The following CRPPA variants were observed in gnomAD, a reference collection of about 807,000 sequenced individuals.
CRPPA encodes D-ribitol-5-phosphate cytidylyltransferase.
Under a neutral mutation model 52.0 loss-of-function variants are expected in CRPPA, and 43 were observed. That is an observed-to-expected ratio of 0.83 (90% CI 0.65 to 1.07). The LOEUF is 1.07. Ranked by LOEUF, CRPPA falls within the 50% of genes least tolerant of loss-of-function variation. The pLI is 0.00. For synonymous variants in CRPPA, 250 were observed against 203.5 expected (o/e 1.23, Z -1.94); for missense variants, 629 against 551.7 (o/e 1.14, Z -1.40).
intron 6 of CRPPA, among the ~76,000 whole-genome samples, chr7:16,274,757 A>G (rs191654349): frequency 4.9e-4 from 75 of 152,306 alleles, no homozygotes; most frequent in African/African-American, 1.7e-3. Context: ...GACGAATTAG[A>G]TACTTGAAAT....
At chr7:16,278,257 C>A (rs746560411) in intron 5 of CRPPA, 31 bp from the exon 6 acceptor site, 1 of 1,130,706 alleles carries the variant, frequency 8.8e-7, no homozygotes, top group South Asian at 1.4e-5. Context: ...TTTTAAGTTT[C>A]AAACAAAACA....
At chr7:16,305,775 G>A (rs1377271214) in intron 4 of CRPPA, among the ~76,000 whole-genome samples, 1 of 152,124 alleles carries the variant, frequency 6.6e-6, no homozygotes, top group Non-Finnish European at 1.5e-5. Flanking sequence ...CCAGCTACTC[G>A]GGAGACTGAG....
At chr7:16,216,275 C>A (rs755612723) in intron 8 of CRPPA, 78 bp from the exon 9 acceptor site, 1 of 895,994 alleles carries the variant, frequency 1.1e-6, no homozygotes, top group Non-Finnish European at 1.7e-6. Flanking sequence ...TAAAGAAGCT[C>A]AAAACCCATA....
chr7:16,209,728 T>C (rs919034028), intron 9 of CRPPA, among the ~76,000 whole-genome samples: 1 of 152,236 alleles, frequency 6.6e-6, no homozygotes, highest in African/African-American at 2.4e-5. Context: ...ATGAGATCTT[T>C]TAGGAATGTA....
At chr7:16,287,513 A>G (rs1468252703) in intron 5 of CRPPA, among the ~76,000 whole-genome samples, 2 of 152,202 alleles carry the variant, frequency 1.3e-5, no homozygotes, top group African/African-American at 4.8e-5. Context: ...AGCATGTTGG[A>G]ATCCTACCCA....
intron 9 of CRPPA, among the ~76,000 whole-genome samples, chr7:16,144,934 A>G (rs973837037): frequency 5.7e-4 from 87 of 152,298 alleles, no homozygotes; most frequent in African/African-American, 1.9e-3. Flanking sequence ...AGTGATACCT[A>G]TAGGCATTCC....
At chr7:16,336,005 T>C (rs946844718) in intron 3 of CRPPA, among the ~76,000 whole-genome samples, 10 of 152,144 alleles carry the variant, frequency 6.6e-5, no homozygotes, top group Non-Finnish European at 1.3e-4. Context: ...CAAGAATACT[T>C]TGCATGGCAA....
Position 16,258,482 on chromosome 7 carries a change from C to A in CRPPA, c.1027G>T (p.Val343Phe), listed in dbSNP as rs1222290444. The A allele has an allele frequency of 6.3e-7, 1 of 1,578,426 alleles. No homozygotes were observed. Among genetic ancestry groups the A allele is most frequent in the Non-Finnish European group, 8.6e-7 (1 of 1,158,994 alleles). The stretch of plus-strand genomic sequence containing the variant: ...GTTTCTTGAAAATCAGAGGTTGTAA[C>A]CTAAAAGACCAGAAAAATAAAAGGA... ...DQCYNFVCVN[V>F]TTSDFQETQK... is the part of the protein sequence containing the mutation. The change falls in exon 8 of 10, where the codon GTT (valine) becomes TTT (phenylalanine). Residue 343 changes from valine (V) to phenylalanine (F), a missense_variant and splice_region_variant. Val to Phe is a conservative substitution (Grantham distance 50). Coordinates refer to ENST00000407010, the MANE Select transcript of CRPPA (RefSeq NM_001101426.4).
At chr7:16,194,019 C>T (rs1038536790) in intron 9 of CRPPA, among the ~76,000 whole-genome samples, 1 of 152,032 alleles carries the variant, frequency 6.6e-6, no homozygotes, top group Non-Finnish European at 1.5e-5. Flanking sequence ...GAAAGTTTAC[C>T]AGGACCAGAC....
chr7:16,393,403 A>G (rs1259521780), intron 2 of CRPPA, among the ~76,000 whole-genome samples: 1 of 152,140 alleles, frequency 6.6e-6, no homozygotes, highest in Admixed American at 6.6e-5. Flanking sequence ...ACAGACCAAC[A>G]GCGTGGAAGA....
At position 16,299,747 on chromosome 7, in the gene CRPPA, A is replaced by G. The variant is rs920123365; in HGVS notation, c.835+1674T>C. 5.9e-5 allele frequency among the ~76,000 whole-genome samples: 9 copies of G among 152,380 alleles called. No individual in the cohort carries two copies. The East Asian group carries it at 1.3e-3, about 23-fold the overall frequency. ...TTTTAAATACTTAAAAAATAAAAGT[A>G]GCAGACCAGAACCTATTACATAGAC... On this transcript the variant is annotated intron_variant, in intron 5 of 9. Transcript: ENST00000407010.
Position 16,421,301 on chromosome 7 carries a change from T to TGCCCGGCG in CRPPA, c.14_21dup (p.Ser8ArgfsTer14). On this transcript the variant is annotated frameshift_variant, in exon 1 of 10. Transcript: ENST00000407010. LOFTEE classifies it high-confidence loss of function. ...GGACCCGGCTCCGCCGGCCTGGCGC[T>TGCCCGGCG]GCCCGGCGGCCCGGCCTCCATGGCT... 1 of 1,263,572 alleles carries TGCCCGGCG rather than the reference T, an allele frequency of 7.9e-7. No homozygotes were observed. Among genetic ancestry groups the TGCCCGGCG allele is most frequent in the Non-Finnish European group, 1.0e-6 (1 of 999,808 alleles). The allele number at this position is 1,263,572 out of a possible 1,614,324, so 78.3% of individuals were successfully genotyped here. A position where few individuals can be genotyped will look rare whatever the true frequency, so the allele number is the denominator to read the frequency against.
chr7:16,214,698 G>A (rs1374012198), intron 9 of CRPPA, among the ~76,000 whole-genome samples: 1 of 152,058 alleles, frequency 6.6e-6, no homozygotes, highest in Admixed American at 6.5e-5. Flanking sequence ...TAGAGACAAG[G>A]GTTTCACCGT....
chr7:16,321,986 A>G (rs1488244175), intron 3 of CRPPA, among the ~76,000 whole-genome samples: 1 of 152,126 alleles, frequency 6.6e-6, no homozygotes, highest in Non-Finnish European at 1.5e-5. Context: ...AAGAAACTAA[A>G]AGAGACAAGA....
At chr7:16,104,506 G>A (rs1782108915) in intron 9 of CRPPA, among the ~76,000 whole-genome samples, 2 of 152,180 alleles carry the variant, frequency 1.3e-5, no homozygotes, top group African/African-American at 2.4e-5. Flanking sequence ...TCAGTCTCAG[G>A]AAGACTAAAG....
chr7:16,364,166 T>C (rs1786527918), intron 3 of CRPPA, among the ~76,000 whole-genome samples: 1 of 152,224 alleles, frequency 6.6e-6, no homozygotes, highest in African/African-American at 2.4e-5. Context: ...AAGTTAAAGT[T>C]GTGTCTTTTT....
chr7:16,386,738 C>T (rs1224049252), intron 2 of CRPPA, among the ~76,000 whole-genome samples: 4 of 151,956 alleles, frequency 2.6e-5, no homozygotes, highest in African/African-American at 9.7e-5. Flanking sequence ...TACATACTTG[C>T]AGCTGGGTAC....
intron 5 of CRPPA, among the ~76,000 whole-genome samples, chr7:16,290,573 G>A (rs940229372): frequency 6.6e-6 from 1 of 151,906 alleles, no homozygotes; most frequent in Non-Finnish European, 1.5e-5. Context: ...TTGACAAATG[G>A]GAAAACAGGA....
chr7:16,128,371 A>C, intron 9 of CRPPA, among the ~76,000 whole-genome samples: 1 of 152,200 alleles, frequency 6.6e-6, no homozygotes, highest in Non-Finnish European at 1.5e-5. Flanking sequence ...AAATAATACC[A>C]GTGATCAAAA....
Sources: gnomAD v4.1 joint callset for allele counts (sites outside exome capture counted in the v4.1 genomes callset) on GRCh38, gnomAD v4.1.1 for gene constraint, MANE v1.5 for transcripts, NCBI Gene and HGNC (gene_info 2026-07-23, HGNC 2026-07-21) for gene names.